Variants in CYP2C19 observed in about 807,000 individuals in gnomAD.
CYP2C19 encodes cytochrome P450 family 2 subfamily C member 19.
A neutral mutation model predicts 40.9 loss-of-function variants in CYP2C19; 59 were observed. That is an observed-to-expected ratio of 1.44 (90% CI 1.17 to 1.79). The LOEUF is 1.79. Ranked by LOEUF, CYP2C19 falls within the 40% of genes most tolerant of loss-of-function variation. The pLI, the probability that CYP2C19 is intolerant of heterozygous loss-of-function variation, is 0.00. For missense variants in CYP2C19, 754 were observed against 596.9 expected (o/e 1.26, Z -2.74); for synonymous variants, 253 against 208.7 (o/e 1.21, Z -1.83).
At chr10:94,789,141 C>T (rs1026790129) in intron 5 of CYP2C19, among the ~76,000 whole-genome samples, 1 of 151,900 alleles carries the variant, frequency 6.6e-6, no homozygotes, top group Non-Finnish European at 1.5e-5. Flanking sequence ...ACATAGATGT[C>T]TTCTTTTGAG....
In CYP2C19 at chr10:94,852,995, C is replaced by T. The variant is rs1437409863; in HGVS notation, c.*81C>T. The T allele has an allele frequency of 2.8e-5, 40 of 1,416,270 alleles. No individual in the cohort carries two copies. The highest frequency in any genetic ancestry group is 1.5e-5 in the Non-Finnish European group (15 of 1,018,206). 87.7% of individuals were successfully genotyped at this position (1,416,270 alleles called of 1,614,324 possible). On this transcript the variant is annotated 3_prime_UTR_variant, in exon 9 of 9. Transcript: ENST00000371321. ...GGTCCAAATTTCACTATCTGTGATGCTTCTTCTGACCCGTCATCTCACATT... is the reference window on the plus strand; with the variant it reads ...GGTCCAAATTTCACTATCTGTGATGTTTCTTCTGACCCGTCATCTCACATT...
intron 5 of CYP2C19, among the ~76,000 whole-genome samples, chr10:94,803,377 T>G (rs979658449): frequency 3.3e-5 from 5 of 152,220 alleles, no homozygotes; most frequent in African/African-American, 1.2e-4. Context: ...CAGTTTGACA[T>G]ACATGTCAGT....
intron 6 of CYP2C19, among the ~76,000 whole-genome samples, chr10:94,829,334 C>G (rs1259201431): frequency 6.6e-6 from 1 of 152,152 alleles, no homozygotes. Flanking sequence ...TTCACATAGT[C>G]CCATATTTCT....
At chr10:94,832,198 T>C (rs1849345341) in intron 6 of CYP2C19, among the ~76,000 whole-genome samples, 2 of 152,202 alleles carry the variant, frequency 1.3e-5, no homozygotes, top group Admixed American at 1.3e-4. Context: ...CCTGTGTTAG[T>C]CTGTTCTTAT....
chr10:94,823,171 A>G (rs1435048585), intron 6 of CYP2C19, among the ~76,000 whole-genome samples: 2 of 152,180 alleles, frequency 1.3e-5, no homozygotes, highest in Admixed American at 6.6e-5. Context: ...CCTCAATATT[A>G]GTATTTGGAA....
chr10:94,772,429 T>C (rs1043977538), intron 1 of CYP2C19, among the ~76,000 whole-genome samples: 1 of 152,094 alleles, frequency 6.6e-6, no homozygotes, highest in African/African-American at 2.4e-5. Context: ...CAGTGGTTTT[T>C]AGAAGCGGGA....
At chr10:94,830,185 A>G (rs1478292585) in intron 6 of CYP2C19, among the ~76,000 whole-genome samples, 2 of 152,224 alleles carry the variant, frequency 1.3e-5, no homozygotes, top group Non-Finnish European at 2.9e-5. Context: ...GGCTCCACCC[A>G]GTTCCAGCTT....
rs554917497 is a variant in CYP2C19, at chr10:94,814,561, C to T, written c.820-5935C>T. 8.9e-3 allele frequency among the ~76,000 whole-genome samples: 1,351 copies of T among 151,692 alleles called. 29 individuals carry two copies. The highest frequency in any genetic ancestry group is 0.03 in the African/African-American group (1,225 of 41,212). On this transcript the variant is annotated intron_variant, in intron 5 of 8. Coordinates refer to ENST00000371321, the MANE Select transcript of CYP2C19 (RefSeq NM_000769.4). Reference sequence around the variant, plus strand: ...GATAGTATCTGTGTAGTTTCTCTAGCTATGGCCAATATCAGCAATAATTTT... The same window carrying T: ...GATAGTATCTGTGTAGTTTCTCTAGTTATGGCCAATATCAGCAATAATTTT...
rs1320701472 is a variant in CYP2C19, at chr10:94,854,735, TGGGC to T, written c.*1822_*1825del. ...AGGGTTAAATGTTTATTTACAATAT[TGGGC>T]TCATATCACACATCTTGTATTAAAA... On this transcript the variant is annotated 3_prime_UTR_variant, in exon 9 of 9. Coordinates refer to ENST00000371321, the MANE Select transcript of CYP2C19 (RefSeq NM_000769.4). Among the ~76,000 whole-genome samples the T allele has an allele frequency of 2.0e-5, 3 of 152,262 alleles. No homozygotes were observed. The East Asian group carries it at 5.8e-4, about 29-fold the overall frequency.
intron 8 of CYP2C19, among the ~76,000 whole-genome samples, 183 bp downstream of exon 8, chr10:94,850,241 G>A (rs1343376899): frequency 6.6e-6 from 1 of 152,052 alleles, no homozygotes; most frequent in Non-Finnish European, 1.5e-5. Flanking sequence ...CAGATTAGTG[G>A]GTTTTGGAGA....
At chr10:94,811,662 G>C (rs1430958002) in intron 5 of CYP2C19, among the ~76,000 whole-genome samples, 2 of 151,780 alleles carry the variant, frequency 1.3e-5, no homozygotes, top group African/African-American at 4.8e-5. Flanking sequence ...AATCTTTGTT[G>C]GTTTAAAGTG....
At chr10:94,813,587 GA>G (rs747414978) in intron 5 of CYP2C19, among the ~76,000 whole-genome samples, 1 of 151,818 alleles carries the variant, frequency 6.6e-6, no homozygotes, top group Non-Finnish European at 1.5e-5. Flanking sequence ...ACTGTGAGGG[GA>G]AAACCACCTA....
intron 5 of CYP2C19, among the ~76,000 whole-genome samples, chr10:94,796,745 CT>C (rs1256951274): frequency 6.6e-6 from 1 of 152,114 alleles, no homozygotes; most frequent in Non-Finnish European, 1.5e-5. Context: ...GTATTTTACT[CT>C]CTTTGAAGCA....
chr10:94,810,033 A>G (rs1848890342), intron 5 of CYP2C19, among the ~76,000 whole-genome samples: 1 of 152,096 alleles, frequency 6.6e-6, no homozygotes. Flanking sequence ...AGAGGCTGCC[A>G]CCACGCCTGG....
intron 6 of CYP2C19, 30 bp downstream of exon 6, chr10:94,820,667 T>G: frequency 6.2e-7 from 1 of 1,613,656 alleles, no homozygotes; most frequent in Non-Finnish European, 8.5e-7. Context: ...GTTAATTGAG[T>G]TTTAGGAAAG....
intron 6 of CYP2C19, among the ~76,000 whole-genome samples, chr10:94,820,858 G>C (rs1055270468): frequency 1.3e-5 from 2 of 152,182 alleles, no homozygotes; most frequent in African/African-American, 4.8e-5. Flanking sequence ...GCCTAGGTGG[G>C]TGGACCATTG....
intron 6 of CYP2C19, among the ~76,000 whole-genome samples, chr10:94,829,036 G>C (rs1849281069): frequency 6.6e-6 from 1 of 152,184 alleles, no homozygotes; most frequent in Non-Finnish European, 1.5e-5. Context: ...GAGATCTGCT[G>C]TTAGTCAGAT....
At chr10:94,830,835 C>A (rs1335336449) in intron 6 of CYP2C19, among the ~76,000 whole-genome samples, 1 of 152,016 alleles carries the variant, frequency 6.6e-6, no homozygotes, top group African/African-American at 2.4e-5. Context: ...TTGATACAGG[C>A]ATGCAATGTG....
At chr10:94,786,604 G>C (rs1589351736) in intron 5 of CYP2C19, among the ~76,000 whole-genome samples, 1 of 152,090 alleles carries the variant, frequency 6.6e-6, no homozygotes, top group Non-Finnish European at 1.5e-5. Context: ...ATTGTGTGAT[G>C]CTGAAGTTTA....
Sources: gnomAD v4.1 joint callset for allele counts (sites outside exome capture counted in the v4.1 genomes callset) on GRCh38, gnomAD v4.1.1 for gene constraint, MANE v1.5 for transcripts, NCBI Gene and HGNC (gene_info 2026-07-23, HGNC 2026-07-21) for gene names.